PCDH15: variants seen among roughly 807,000 people sequenced by gnomAD.
The protein encoded by PCDH15 is protocadherin related 15, also known as protocadherin-15.
In PCDH15, 129 loss-of-function variants were observed where a neutral mutation model predicts 178.5. The ratio of observed to expected loss-of-function variants is 0.72; its 90% CI spans 0.63 to 0.84. PCDH15 has a LOEUF of 0.84. PCDH15 is among the 40% of genes least tolerant of loss of function. PCDH15 has a pLI of 0.00. For synonymous variants in PCDH15, 800 were observed against 732.0 expected (o/e 1.09, Z -1.50); for missense variants, 2,230 against 2,099.9 (o/e 1.06, Z -1.21).
chr10:55,311,930 C>CCATTTGATG (rs1257041287), intron 1 of PCDH15, among the ~76,000 whole-genome samples: 1 of 152,100 alleles, frequency 6.6e-6, no homozygotes, highest in Non-Finnish European at 1.5e-5. Context: ...ATGTTAGGTG[C>CCATTTGATG]CATTTGATGA....
intron 2 of PCDH15, among the ~76,000 whole-genome samples, chr10:55,008,124 TA>T (rs774929995): frequency 1.4e-4 from 22 of 152,280 alleles, no homozygotes; most frequent in East Asian, 1.2e-3. Flanking sequence ...TCGTTTTAAA[TA>T]GTAGTTTTCA....
At chr10:54,518,727 C>A (rs1446655867) in intron 3 of PCDH15, among the ~76,000 whole-genome samples, 6 of 152,140 alleles carry the variant, frequency 3.9e-5, no homozygotes, top group Admixed American at 3.9e-4. Context: ...CAGCATCATC[C>A]TGATACCAAA....
chr10:54,275,437 C>T (rs1307002994), intron 8 of PCDH15, among the ~76,000 whole-genome samples: 1 of 151,838 alleles, frequency 6.6e-6, no homozygotes, highest in Non-Finnish European at 1.5e-5. Flanking sequence ...AATTCATTCA[C>T]AACAATCTAG....
intron 2 of PCDH15, chr10:54,599,703 T>G: frequency 2.2e-6 from 1 of 451,062 alleles, no homozygotes; most frequent in South Asian, 1.9e-5. Flanking sequence ...CAACTGCACC[T>G]GAAGTTAATG....
At chr10:54,917,991 G>A (rs1317235507) in intron 2 of PCDH15, among the ~76,000 whole-genome samples, 3 of 151,674 alleles carry the variant, frequency 2.0e-5, no homozygotes, top group African/African-American at 7.3e-5. Context: ...TCTCACTTAC[G>A]ATAGTGATTT....
intron 3 of PCDH15, among the ~76,000 whole-genome samples, chr10:54,893,969 C>A (rs144462779): frequency 2.0e-5 from 3 of 152,010 alleles, no homozygotes; most frequent in African/African-American, 7.2e-5. Flanking sequence ...GGAAAAGCAG[C>A]GTTTATACAG....
intron 25 of PCDH15, among the ~76,000 whole-genome samples, chr10:53,924,223 C>G (rs901697818): frequency 6.6e-6 from 1 of 152,156 alleles, no homozygotes; most frequent in Non-Finnish European, 1.5e-5. Context: ...GTGGCGCTCG[C>G]GAGCCAGCGT....
chr10:54,228,909 A>G (rs1297603228), intron 9 of PCDH15, among the ~76,000 whole-genome samples: 1 of 152,208 alleles, frequency 6.6e-6, no homozygotes, highest in Non-Finnish European at 1.5e-5. Flanking sequence ...GTCAAATAAA[A>G]TTAAGCATCA....
chr10:54,156,797 T>C (rs2045199246), intron 13 of PCDH15, among the ~76,000 whole-genome samples: 1 of 152,208 alleles, frequency 6.6e-6, no homozygotes, highest in Non-Finnish European at 1.5e-5. Flanking sequence ...AGTTACTTCC[T>C]ACATACAATG....
chr10:54,246,601 T>C (rs75570355), intron 8 of PCDH15, among the ~76,000 whole-genome samples: 7,674 of 151,940 alleles, frequency 0.051, 487 homozygotes, highest in African/African-American at 0.15. Context: ...GCGATGAACT[T>C]TGTACTTCTT....
At chr10:55,300,776 G>C (rs1405025993) in intron 1 of PCDH15, among the ~76,000 whole-genome samples, 1 of 152,062 alleles carries the variant, frequency 6.6e-6, no homozygotes, top group Non-Finnish European at 1.5e-5. Context: ...TGAGATAACT[G>C]TAACTTCAAA....
chr10:54,434,934 A>G (rs2075283439), intron 3 of PCDH15, among the ~76,000 whole-genome samples: 1 of 152,250 alleles, frequency 6.6e-6, no homozygotes, highest in African/African-American at 2.4e-5. Context: ...ATCTATTTTT[A>G]GTAGGACAAA....
At chr10:54,084,392 G>C (rs2094484313) in intron 16 of PCDH15, among the ~76,000 whole-genome samples, 1 of 151,662 alleles carries the variant, frequency 6.6e-6, no homozygotes, top group Non-Finnish European at 1.5e-5. Context: ...AGAATCCCTT[G>C]AACCCAGGAG....
chr10:54,007,791 C>T (rs918265908), intron 20 of PCDH15, among the ~76,000 whole-genome samples: 1 of 152,088 alleles, frequency 6.6e-6, no homozygotes, highest in Admixed American at 6.6e-5. Context: ...AATTATGTTT[C>T]TGCTCATTTT....
chr10:55,433,737 C>T (rs1838949178), intron 2 of PCDH15, among the ~76,000 whole-genome samples: 1 of 151,642 alleles, frequency 6.6e-6, no homozygotes, highest in Admixed American at 6.6e-5. Flanking sequence ...ATTGCATTTC[C>T]CTAAACGTTC....
intron 1 of PCDH15, among the ~76,000 whole-genome samples, chr10:54,679,138 C>G (rs1170673058): frequency 7.1e-6 from 1 of 141,072 alleles, no homozygotes; most frequent in Non-Finnish European, 1.5e-5. Context: ...TGCAGTGAGC[C>G]GAGATTGCGC....
intron 21 of PCDH15, among the ~76,000 whole-genome samples, chr10:53,989,477 C>G (rs1589789039): frequency 6.6e-6 from 1 of 152,212 alleles, no homozygotes. Flanking sequence ...TACCCGTTTA[C>G]ACTTTCAAAT....
chr10:53,970,369 G>T (rs1195200984), intron 21 of PCDH15, among the ~76,000 whole-genome samples: 2 of 151,970 alleles, frequency 1.3e-5, no homozygotes, highest in Non-Finnish European at 2.9e-5. Context: ...GCAAGTCCTT[G>T]GAGACCTACA....
At chr10:55,461,534 C>T (rs1839678557) in intron 2 of PCDH15, among the ~76,000 whole-genome samples, 1 of 59,222 alleles carries the variant, frequency 1.7e-5, no homozygotes, top group African/African-American at 2.1e-4. Context: ...TTAGTAGACA[C>T]AGAATTTGAT....
Sources: gnomAD v4.1 joint callset for allele counts (sites outside exome capture counted in the v4.1 genomes callset) on GRCh38, gnomAD v4.1.1 for gene constraint, MANE v1.5 for transcripts, NCBI Gene and HGNC (gene_info 2026-07-23, HGNC 2026-07-21) for gene names.